The following FUT8 variants were observed in gnomAD, a reference collection of about 807,000 sequenced individuals.
FUT8 encodes fucosyltransferase 8.
In FUT8, 29 loss-of-function variants were observed where a neutral mutation model predicts 71.3. That is an observed-to-expected ratio of 0.41 (90% CI 0.30 to 0.55). The LOEUF is 0.55. Among genes scored for constraint, FUT8 ranks in the 20% least tolerant of loss-of-function variants. FUT8 has a pLI of 0.34. For missense variants in FUT8, 544 were observed against 702.1 expected (o/e 0.77, Z 2.55); for synonymous variants, 254 against 239.3 (o/e 1.06, Z -0.57).
At chr14:65,429,896 A>G (rs750719027) in intron 1 of FUT8, among the ~76,000 whole-genome samples, 2 of 150,374 alleles carry the variant, frequency 1.3e-5, no homozygotes, top group Non-Finnish European at 3.0e-5. Flanking sequence ...AAGACTTACA[A>G]GAGACTTTAA....
chr14:65,687,449 T>G (rs1893350479), intron 7 of FUT8, among the ~76,000 whole-genome samples: 1 of 152,180 alleles, frequency 6.6e-6, no homozygotes. Flanking sequence ...ATCTGTTTAT[T>G]TAGCATAATT....
At chr14:65,599,857 G>T (rs1037476318) in intron 3 of FUT8, among the ~76,000 whole-genome samples, 2 of 152,072 alleles carry the variant, frequency 1.3e-5, no homozygotes, top group Non-Finnish European at 2.9e-5. Flanking sequence ...TACAATAATC[G>T]TTAATTTTAT....
At chr14:65,616,130 A>G (rs746640457) in intron 4 of FUT8, 37 bp downstream of exon 4, 30 of 1,603,452 alleles carry the variant, frequency 1.9e-5, no homozygotes, top group South Asian at 2.2e-5. Context: ...TCCTCAGTAT[A>G]TGGGCTTTAG....
intron 1 of FUT8, among the ~76,000 whole-genome samples, chr14:65,421,804 T>C (rs2065301957): frequency 7.0e-6 from 1 of 142,868 alleles, no homozygotes; most frequent in Non-Finnish European, 1.5e-5. Context: ...ATTGGCCCTG[T>C]GGCAAATCCT....
rs1463073579 is a variant in FUT8 at position 65,570,826 on chromosome 14, T to C, written c.203+9060T>C. ...GTGGACGAACTGTAACCTAACTTAA[T>C]AGGTAGACAAGATCGAAAACCTGAC... On this transcript the variant is annotated intron_variant, in intron 3 of 10. Transcript: ENST00000673929. Among the ~76,000 whole-genome samples, 14 of 152,146 alleles carry C rather than the reference T, an allele frequency of 9.2e-5. No homozygotes were observed. The East Asian group carries it at 2.5e-3, about 27-fold the overall frequency.
At chr14:65,573,115 G>A (rs990860691) in intron 3 of FUT8, among the ~76,000 whole-genome samples, 5 of 152,156 alleles carry the variant, frequency 3.3e-5, no homozygotes, top group African/African-American at 1.2e-4. Context: ...AGTTGGCTCA[G>A]TGGGGAGGGA....
At chr14:65,367,037 A>G in the FUT8 span, among the ~76,000 whole-genome samples, 1 of 152,214 alleles carries the variant, frequency 6.6e-6, no homozygotes, top group African/African-American at 2.4e-5. Context: ...TAAGGACTGC[A>G]ACATCTCCAG....
rs191836877 is a variant in FUT8, at chr14:65,592,909, C to T, written c.204-23069C>T. 2.8e-3 allele frequency among the ~76,000 whole-genome samples: 433 copies of T among 152,268 alleles called. 2 individuals are homozygous for T. Among genetic ancestry groups the T allele is most frequent in the African/African-American group, 9.9e-3 (412 of 41,554 alleles). ...ATTCAATAGACATTTCTTGGACACT[C>T]ACTATATGTCAGCATCTGGGCTGGA... is the stretch of plus-strand genomic sequence containing the variant. On this transcript the variant is annotated intron_variant, in intron 3 of 10. Transcript: ENST00000673929.
chr14:65,513,108 C>G (rs1379539522), intron 2 of FUT8, among the ~76,000 whole-genome samples: 1 of 152,024 alleles, frequency 6.6e-6, no homozygotes, highest in East Asian at 1.9e-4. Context: ...AATTTCCATT[C>G]TTTGGTGCTT....
intron 7 of FUT8, among the ~76,000 whole-genome samples, chr14:65,714,633 T>A (rs1343531930): frequency 6.6e-6 from 1 of 152,060 alleles, no homozygotes; most frequent in African/African-American, 2.4e-5. Flanking sequence ...TCATTGGTAT[T>A]TTCATAGGGA....
chr14:65,456,551 C>T (rs1284586332), intron 2 of FUT8, among the ~76,000 whole-genome samples: 6 of 151,966 alleles, frequency 3.9e-5, no homozygotes, highest in African/African-American at 1.5e-4. Context: ...CTGCTGCAAT[C>T]ATACATTAAA....
intron 1 of FUT8, among the ~76,000 whole-genome samples, chr14:65,450,904 C>T (rs910035608): frequency 2.2e-4 from 33 of 150,620 alleles, no homozygotes; most frequent in African/African-American, 6.6e-4. Flanking sequence ...TTCCCTCTGT[C>T]GGCCAGGCTA....
intron 1 of FUT8, among the ~76,000 whole-genome samples, chr14:65,427,426 C>T (rs2065406693): frequency 6.6e-6 from 1 of 152,144 alleles, no homozygotes; most frequent in Non-Finnish European, 1.5e-5. Context: ...GTACAAGATT[C>T]CCTTTTCTCC....
intron 6 of FUT8, among the ~76,000 whole-genome samples, chr14:65,634,574 A>G (rs991583921): frequency 6.6e-6 from 1 of 151,372 alleles, no homozygotes; most frequent in African/African-American, 2.4e-5. Context: ...AAAAAAAAAA[A>G]AAAAAAAGAA....
chr14:65,534,330 A>C (rs1326023771), intron 2 of FUT8, among the ~76,000 whole-genome samples: 1 of 151,486 alleles, frequency 6.6e-6, no homozygotes, highest in Non-Finnish European at 1.5e-5. Flanking sequence ...TTATTTTTAG[A>C]GATGGAGTTT....
intron 7 of FUT8, among the ~76,000 whole-genome samples, chr14:65,717,511 C>T (rs1187714956): frequency 3.0e-4 from 33 of 111,624 alleles, no homozygotes; most frequent in Admixed American, 6.7e-4. Context: ...CGCTCCTCAC[C>T]TCCCAGACGA....
At chr14:65,662,777 A>C (rs572375452) in intron 6 of FUT8, among the ~76,000 whole-genome samples, 1 of 152,120 alleles carries the variant, frequency 6.6e-6, no homozygotes, top group South Asian at 2.1e-4. Context: ...TTTTGTGTCT[A>C]TTTTAAACTA....
chr14:65,634,331 A>C (rs1198997089), intron 6 of FUT8, among the ~76,000 whole-genome samples: 1 of 152,212 alleles, frequency 6.6e-6, no homozygotes, highest in Non-Finnish European at 1.5e-5. Flanking sequence ...AGGGCGGTGC[A>C]AGATGTGCTT....
At chr14:65,720,877 G>T (rs556002260) in intron 7 of FUT8, among the ~76,000 whole-genome samples, 1 of 152,072 alleles carries the variant, frequency 6.6e-6, no homozygotes, top group African/African-American at 2.4e-5. Flanking sequence ...CTAATGGCCC[G>T]GGTGTTGCTT....
Sources: gnomAD v4.1 joint callset for allele counts (sites outside exome capture counted in the v4.1 genomes callset) on GRCh38, gnomAD v4.1.1 for gene constraint, MANE v1.5 for transcripts, NCBI Gene and HGNC (gene_info 2026-07-23, HGNC 2026-07-21) for gene names.